IL15: variants seen among roughly 807,000 people sequenced by gnomAD.
The protein encoded by IL15 is interleukin 15.
In IL15, 11 loss-of-function variants were observed where a neutral mutation model predicts 19.6. The ratio of observed to expected loss-of-function variants is 0.56; its 90% CI spans 0.35 to 0.93. The LOEUF is 0.93. Among genes scored for constraint, IL15 ranks in the 40% least tolerant of loss-of-function variants. IL15 has a pLI of 0.01. For missense variants in IL15, 197 were observed against 186.5 expected (o/e 1.06, Z -0.33); for synonymous variants, 58 against 59.6 (o/e 0.97, Z 0.12).
At chr4:141,717,869 C>T (rs1453297422) in intron 2 of IL15, 1 of 152,150 alleles carries the variant, frequency 6.6e-6, no homozygotes, top group East Asian at 1.9e-4. Flanking sequence ...CCATGTTGGT[C>T]AGGCTGATCT....
chr4:141,671,704 C>G (rs1367822716), intron 2 of IL15, among the ~76,000 whole-genome samples: 2 of 152,110 alleles, frequency 1.3e-5, no homozygotes, highest in Non-Finnish European at 2.9e-5. Flanking sequence ...AATGGCAAGG[C>G]CTCTTGGGAC....
chr4:141,651,431 G>A (rs1727403121), intron 1 of IL15, among the ~76,000 whole-genome samples: 1 of 152,040 alleles, frequency 6.6e-6, no homozygotes, highest in Non-Finnish European at 1.5e-5. Context: ...AATCCAAAAG[G>A]TTTGGAGGAT....
At chr4:141,691,376 T>G (rs1359024888) in intron 2 of IL15, among the ~76,000 whole-genome samples, 1 of 152,118 alleles carries the variant, frequency 6.6e-6, no homozygotes, top group African/African-American at 2.4e-5. Context: ...CCTTTTCCAT[T>G]TTGAAACCAA....
At chr4:141,655,040 T>C (rs1205596620) in intron 1 of IL15, among the ~76,000 whole-genome samples, 1 of 152,188 alleles carries the variant, frequency 6.6e-6, no homozygotes, top group Non-Finnish European at 1.5e-5. Flanking sequence ...GACAAACAGC[T>C]ATAGCAATTT....
At chr4:141,675,596 C>T (rs1291808273) in intron 2 of IL15, among the ~76,000 whole-genome samples, 1 of 152,114 alleles carries the variant, frequency 6.6e-6, no homozygotes, top group African/African-American at 2.4e-5. Context: ...TGAATAACAC[C>T]CTACGGCCCA....
At chr4:141,648,822 C>T (rs1457203688) in intron 1 of IL15, among the ~76,000 whole-genome samples, 1 of 152,066 alleles carries the variant, frequency 6.6e-6, no homozygotes, top group Admixed American at 6.6e-5. Flanking sequence ...GCCGCTGCAA[C>T]TTATAAAGCA....
At chr4:141,681,541 C>G (rs1485093963) in intron 2 of IL15, among the ~76,000 whole-genome samples, 5 of 152,118 alleles carry the variant, frequency 3.3e-5, no homozygotes, top group African/African-American at 1.2e-4. Flanking sequence ...AAAACAATTT[C>G]TTTCATCTTT....
chr4:141,724,409 C>T (rs1414575233), intron 5 of IL15, among the ~76,000 whole-genome samples: 1 of 151,620 alleles, frequency 6.6e-6, no homozygotes, highest in Non-Finnish European at 1.5e-5. Flanking sequence ...CTTCAAGAAA[C>T]TAGAAGAAGT....
At chr4:141,688,440 G>GA (rs930734322) in intron 2 of IL15, among the ~76,000 whole-genome samples, 1 of 152,038 alleles carries the variant, frequency 6.6e-6, no homozygotes, top group African/African-American at 2.4e-5. Flanking sequence ...TGTTCAAGTT[G>GA]AAAAAAATCT....
intron 2 of IL15, among the ~76,000 whole-genome samples, chr4:141,711,860 G>T (rs1172225034): frequency 6.6e-6 from 1 of 151,892 alleles, no homozygotes; most frequent in Non-Finnish European, 1.5e-5. Context: ...AGCTTTCTAG[G>T]TTCAAACTCA....
chr4:141,641,091 A>G (rs1235149544), intron 1 of IL15, among the ~76,000 whole-genome samples: 3 of 152,160 alleles, frequency 2.0e-5, no homozygotes, highest in Non-Finnish European at 2.9e-5. Flanking sequence ...AATCTGACAA[A>G]GTAGTCCTTG....
At chr4:141,640,601 T>A (rs1363766245) in intron 1 of IL15, among the ~76,000 whole-genome samples, 1 of 152,152 alleles carries the variant, frequency 6.6e-6, no homozygotes, top group Non-Finnish European at 1.5e-5. Flanking sequence ...AGTTGTTTAG[T>A]GCTGGAGTCA....
intron 2 of IL15, among the ~76,000 whole-genome samples, chr4:141,684,626 A>C (rs888227873): frequency 1.3e-5 from 2 of 152,136 alleles, no homozygotes; most frequent in Non-Finnish European, 2.9e-5. Flanking sequence ...TGCTATTATT[A>C]TTTATGCTAG....
rs113709793 is a variant in IL15 at position 141,732,850 on chromosome 4, T to A, written c.*2T>A. 6.3e-5 allele frequency: 101 copies of A among 1,605,714 alleles called. No homozygotes were observed. Among genetic ancestry groups the A allele is most frequent in the Non-Finnish European group, 1.2e-5 (14 of 1,177,820 alleles). The stretch of plus-strand genomic sequence containing the variant: ...CAAATGTTCATCAACACTTCTTGAT[T>A]GCAATTGATTCTTTTTAAAGTGTTT... On this transcript the variant is annotated 3_prime_UTR_variant, in exon 8 of 8. Coordinates refer to ENST00000320650, the MANE Select transcript of IL15 (RefSeq NM_000585.5).
Position 141,727,968 on chromosome 4 carries a change from C to T in IL15, c.224C>T (p.Thr75Met), listed in dbSNP as rs144093178. ...QSMHIDATLY[T>M]ESDVHPSCKV... ...ATGCATATTGATGCTACTTTATATACGGAAAGTGATGTTCACGTGAGTATA... is the reference window on the plus strand; with the variant it reads ...ATGCATATTGATGCTACTTTATATATGGAAAGTGATGTTCACGTGAGTATA... Residue 75 changes from threonine (T) to methionine (M), a missense_variant, in exon 6 of 8, where the codon ACG becomes ATG. Transcript: ENST00000320650. 386 of 1,366,344 alleles carry T rather than the reference C, an allele frequency of 2.8e-4. 1 individual carries two copies. Among genetic ancestry groups the T allele is most frequent in the South Asian group, 4.2e-4 (33 of 79,506 alleles). 84.6% of individuals were successfully genotyped at this position (1,366,344 alleles called of 1,614,324 possible). A position where few individuals can be genotyped will look rare whatever the true frequency, so the allele number is the denominator to read the frequency against.
intron 2 of IL15, among the ~76,000 whole-genome samples, chr4:141,698,715 AATC>A (rs1729183255): frequency 1.3e-5 from 2 of 151,994 alleles, no homozygotes; most frequent in Non-Finnish European, 2.9e-5. Flanking sequence ...AGCTTAATTG[AATC>A]GTCTCTCTTC....
In IL15 at chr4:141,700,212, C is replaced by A. The variant is rs116375345; in HGVS notation, c.-99-19154C>A. On this transcript the variant is annotated intron_variant, in intron 2 of 7. Coordinates refer to ENST00000320650, the MANE Select transcript of IL15 (RefSeq NM_000585.5). Reference sequence around the variant, plus strand: ...GGGATTATAGGAGTGAGCCACTGTGCCTGGCTGAGATTTATTCTTTAAGGA... The same window carrying A: ...GGGATTATAGGAGTGAGCCACTGTGACTGGCTGAGATTTATTCTTTAAGGA... Among the ~76,000 whole-genome samples, 762 of 152,184 alleles carry A rather than the reference C, an allele frequency of 5.0e-3. 3 individuals are homozygous for A. The highest frequency in any genetic ancestry group is 0.01 in the Middle Eastern group (3 of 292).
intron 1 of IL15, among the ~76,000 whole-genome samples, chr4:141,647,983 A>T (rs568529840): frequency 7.2e-4 from 110 of 152,196 alleles, no homozygotes; most frequent in African/African-American, 2.6e-3. Flanking sequence ...TTTGAGAAAC[A>T]CTGCATTCTT....
At chr4:141,670,123 T>C (rs951377808) in intron 2 of IL15, among the ~76,000 whole-genome samples, 2 of 151,748 alleles carry the variant, frequency 1.3e-5, no homozygotes, top group African/African-American at 4.8e-5. Flanking sequence ...TAATAAAATT[T>C]TTCAAATGTT....
Sources: gnomAD v4.1 joint callset for allele counts (sites outside exome capture counted in the v4.1 genomes callset) on GRCh38, gnomAD v4.1.1 for gene constraint, MANE v1.5 for transcripts, NCBI Gene and HGNC (gene_info 2026-07-23, HGNC 2026-07-21) for gene names.